Variants in NDST3 observed in about 807,000 individuals in gnomAD.
NDST3 encodes the protein bifunctional heparan sulfate N-deacetylase/N-sulfotransferase 3.
In NDST3, 58 loss-of-function variants were observed where a neutral mutation model predicts 96.1. The observed-to-expected ratio is 0.60, with a 90% CI of 0.49 to 0.75. NDST3 has a LOEUF of 0.75. Ranked by LOEUF, NDST3 falls within the 30% of genes least tolerant of loss-of-function variation. The pLI, the probability that NDST3 is intolerant of heterozygous loss-of-function variation, is 0.00. For synonymous variants in NDST3, 333 were observed against 359.7 expected (o/e 0.93, Z 0.84); for missense variants, 788 against 1,034.2 (o/e 0.76, Z 3.27).
At chr4:118,244,900 T>A (rs1445967143) in intron 12 of NDST3, among the ~76,000 whole-genome samples, 1 of 152,178 alleles carries the variant, frequency 6.6e-6, no homozygotes, top group African/African-American at 2.4e-5. Flanking sequence ...TGTTAAATAA[T>A]CTGATTTTCT....
chr4:118,075,584 G>C (rs535598087), intron 2 of NDST3, among the ~76,000 whole-genome samples: 2 of 152,236 alleles, frequency 1.3e-5, no homozygotes, highest in African/African-American at 4.8e-5. Context: ...TTTAATGATT[G>C]CCCTTCTAAG....
rs2126000490 is a variant in NDST3 at position 118,232,997 on chromosome 4, C to T, written c.1820-15C>T. The T allele has an allele frequency of 6.2e-7, 1 of 1,606,652 alleles. No individual in the cohort carries two copies. Among genetic ancestry groups the T allele is most frequent in the Middle Eastern group, 1.7e-4 (1 of 6,022 alleles). The stretch of plus-strand genomic sequence containing the variant: ...TTTCATTTAATTAATTTCTGAACCT[C>T]TATTGTCTTTCTAGGTACCACTGCT... On this transcript the variant is annotated splice_polypyrimidine_tract_variant and intron_variant, in intron 8 of 13. Transcript: ENST00000296499.
At chr4:118,147,622 T>C (rs1346854450) in intron 6 of NDST3, among the ~76,000 whole-genome samples, 1 of 152,230 alleles carries the variant, frequency 6.6e-6, no homozygotes, top group Non-Finnish European at 1.5e-5. Context: ...ATGACGTATA[T>C]ACTTAGACAA....
At chr4:118,085,910 T>C (rs1406370043) in intron 2 of NDST3, among the ~76,000 whole-genome samples, 1 of 152,184 alleles carries the variant, frequency 6.6e-6, no homozygotes, top group African/African-American at 2.4e-5. Flanking sequence ...ACTGAGAACA[T>C]CAGCCATTAT....
At chr4:118,124,335 T>G (rs1731862789) in intron 4 of NDST3, among the ~76,000 whole-genome samples, 1 of 152,022 alleles carries the variant, frequency 6.6e-6, no homozygotes, top group Admixed American at 6.6e-5. Flanking sequence ...GTTTTTTTGT[T>G]TTGCTTGTTT....
intron 12 of NDST3, among the ~76,000 whole-genome samples, chr4:118,250,726 C>T (rs113318536): frequency 0.057 from 8,644 of 152,186 alleles, 804 homozygotes; most frequent in African/African-American, 0.19. Flanking sequence ...TCAGCTGATC[C>T]GCCCACCTCA....
At chr4:118,157,830 TAAAC>T (rs1734814795) in intron 6 of NDST3, among the ~76,000 whole-genome samples, 1 of 152,044 alleles carries the variant, frequency 6.6e-6, no homozygotes, top group Non-Finnish European at 1.5e-5. Context: ...AATGAACAAA[TAAAC>T]CTAACATGGA....
intron 6 of NDST3, among the ~76,000 whole-genome samples, chr4:118,203,363 T>G (rs553630561): frequency 0.025 from 3,832 of 152,282 alleles, 65 homozygotes; most frequent in African/African-American, 0.037. Context: ...CTCTTTGATT[T>G]TTTGAATAAT....
intron 4 of NDST3, among the ~76,000 whole-genome samples, chr4:118,136,918 T>C (rs922035418): frequency 5.3e-5 from 8 of 152,218 alleles, no homozygotes; most frequent in African/African-American, 1.9e-4. Flanking sequence ...CCTTTTATGC[T>C]GTATCAAGGA....
At chr4:118,136,529 T>C (rs1055903097) in intron 4 of NDST3, among the ~76,000 whole-genome samples, 1 of 152,212 alleles carries the variant, frequency 6.6e-6, no homozygotes, top group African/African-American at 2.4e-5. Flanking sequence ...TTCAATTCAA[T>C]TTTTAGTGGA....
chr4:118,248,501 C>T (rs1017296837), intron 12 of NDST3, among the ~76,000 whole-genome samples: 1 of 152,132 alleles, frequency 6.6e-6, no homozygotes, highest in Non-Finnish European at 1.5e-5. Flanking sequence ...TCTTGTTTTA[C>T]TCTTTAAATC....
At chr4:118,255,510 T>C (rs1742060544) in intron 13 of NDST3, 83 bp from the exon 14 acceptor site, 2 of 1,367,702 alleles carry the variant, frequency 1.5e-6, no homozygotes, top group South Asian at 1.4e-5. Context: ...CTGGTATACT[T>C]GGTACTTATT....
At chr4:118,082,165 T>G (rs945505586) in intron 2 of NDST3, among the ~76,000 whole-genome samples, 4 of 152,150 alleles carry the variant, frequency 2.6e-5, no homozygotes, top group African/African-American at 9.7e-5. Context: ...CCGAGTATTT[T>G]TACATCCTCG....
intron 6 of NDST3, chr4:118,194,662 C>A: frequency 1.5e-6 from 1 of 656,518 alleles, no homozygotes. Context: ...AGCATGCCTT[C>A]CTCCTGTTTG....
intron 1 of NDST3, among the ~76,000 whole-genome samples, chr4:118,035,175 G>C (rs751099737): frequency 1.0e-3 from 158 of 151,936 alleles, no homozygotes; most frequent in Non-Finnish European, 1.8e-3. Flanking sequence ...ATCTTTAAGG[G>C]GTTTACTCAG....
rs1195195689 is a variant in NDST3, at chr4:118,053,999, C to T, written c.89C>T (p.Ala30Val). The change falls in exon 2 of 14, where the codon GCT becomes GTT. Residue 30 changes from alanine to valine, a missense_variant. By Grantham distance (64) the Ala-to-Val change is moderately conservative. This residue lies in a region of NDST3 where 234 missense variants were observed against 256.9 expected (regional missense o/e 0.91). Transcript: ENST00000296499. The part of the protein sequence containing the change: ...TFCMVSIIIS[A>V]YYLYSGYKQE... ...TGTATGGTGAGCATTATCATTTCTG[C>T]TTACTACCTGTACAGTGGCTACAAA... 6.2e-7 allele frequency: 1 copy of T among 1,612,672 alleles called. No individual in the cohort carries two copies. Among genetic ancestry groups the T allele is most frequent in the Non-Finnish European group, 8.5e-7 (1 of 1,179,120 alleles).
intron 6 of NDST3, chr4:118,194,762 C>T (rs115997623): frequency 0.021 from 9,541 of 447,086 alleles, 169 homozygotes; most frequent in South Asian, 0.034. Context: ...CTCCACGCAG[C>T]GCACCCTTTC....
At chr4:118,195,273 T>C (rs1231819021) in intron 6 of NDST3, among the ~76,000 whole-genome samples, 7 of 152,178 alleles carry the variant, frequency 4.6e-5, no homozygotes, top group African/African-American at 1.7e-4. Context: ...AATCTCACCT[T>C]GAATTGTAAT....
chr4:118,180,991 C>T (rs1174606512), intron 6 of NDST3, among the ~76,000 whole-genome samples: 2 of 152,096 alleles, frequency 1.3e-5, no homozygotes, highest in Non-Finnish European at 2.9e-5. Flanking sequence ...CAAAGTGCCA[C>T]CTCATAGCAC....
Sources: allele counts gnomAD v4.1 joint callset (sites outside exome capture counted in the v4.1 genomes callset), GRCh38; gene constraint gnomAD v4.1.1; regional missense constraint gnomAD v4.1.1; transcripts MANE v1.5; gene names NCBI Gene and HGNC (gene_info 2026-07-23, HGNC 2026-07-21).